Variants in SLC15A4 observed in about 807,000 individuals in gnomAD.
SLC15A4 encodes hPHT1.
SLC15A4 carries 26 observed loss-of-function variants against 46.1 expected under a neutral mutation model. That is an observed-to-expected ratio of 0.56 (90% confidence interval 0.41 to 0.78). The LOEUF is 0.78. Ranked by LOEUF, SLC15A4 falls within the 30% of genes least tolerant of loss-of-function variation. The pLI, the probability that SLC15A4 is intolerant of heterozygous loss-of-function variation, is 0.00. For missense variants in SLC15A4, 751 were observed against 755.7 expected, an observed-to-expected ratio of 0.99 and a Z score of 0.07; for synonymous variants, 370 against 333.4, an observed-to-expected ratio of 1.11 and a Z score of -1.20.
At position 128,799,332 on chromosome 12, in the gene SLC15A4, C is replaced by T. The variant is rs139295288; in HGVS notation, c.1500G>A (p.Ser500=). ...GTGCCAGCAGTCCAGAACCCACGAA[C>T]GACCCGACGCCAGAGAAGAAAAAGA... ...GLFFFFSGVG[S]FVGSGLLALV... Residue 500 remains serine (S), a synonymous_variant, in exon 7 of 8, where the codon TCG becomes TCA. Coordinates refer to ENST00000266771, the MANE Select transcript of SLC15A4 (RefSeq NM_145648.4). 177 of 1,614,008 alleles carry T rather than the reference C, an allele frequency of 1.1e-4. No individual in the cohort carries two copies. Among genetic ancestry groups the T allele is most frequent in the Middle Eastern group, 3.3e-4 (2 of 6,084 alleles).
chr12:128,797,172 G>A (rs1955455586), intron 7 of SLC15A4, among the ~76,000 whole-genome samples: 1 of 152,102 alleles, frequency 6.6e-6, no homozygotes, highest in Non-Finnish European at 1.5e-5. Flanking sequence ...GGCAGGGCAG[G>A]TATTCACAAC....
intron 5 of SLC15A4, among the ~76,000 whole-genome samples, chr12:128,804,659 G>A (rs898345304): frequency 6.6e-6 from 1 of 152,244 alleles, no homozygotes; most frequent in African/African-American, 2.4e-5. Flanking sequence ...GAACCAGGGA[G>A]GCGGACGTTG....
At chr12:128,811,805 T>A (rs1331326206) in intron 2 of SLC15A4, among the ~76,000 whole-genome samples, 1 of 152,260 alleles carries the variant, frequency 6.6e-6, no homozygotes, top group Non-Finnish European at 1.5e-5. Flanking sequence ...CTGGTTATAT[T>A]ACTTTCGCTT....
intron 1 of SLC15A4, among the ~76,000 whole-genome samples, chr12:128,818,120 T>C (rs1955784692): frequency 6.6e-6 from 1 of 151,810 alleles, no homozygotes; most frequent in Non-Finnish European, 1.5e-5. Context: ...ATCTGTAACA[T>C]AAGATTTTCG....
intron 1 of SLC15A4, among the ~76,000 whole-genome samples, chr12:128,820,642 G>A (rs1039524357): frequency 1.7e-5 from 2 of 118,198 alleles, no homozygotes; most frequent in Middle Eastern, 4.0e-3. Context: ...AATGGGCACC[G>A]TACGTGTCAT....
intron 2 of SLC15A4, among the ~76,000 whole-genome samples, chr12:128,810,719 G>T (rs1217350873): frequency 6.6e-6 from 1 of 152,154 alleles, no homozygotes; most frequent in African/African-American, 2.4e-5. Context: ...GGTGATGAGA[G>T]GAGGATGTCC....
chr12:128,809,850 T>C, intron 3 of SLC15A4, 93 bp downstream of exon 3: 1 of 1,294,068 alleles, frequency 7.7e-7, no homozygotes, highest in Non-Finnish European at 1.1e-6. Flanking sequence ...AAAAATCACC[T>C]AGTCCTACCT....
At chr12:128,811,170 G>A (rs1490196766) in intron 2 of SLC15A4, among the ~76,000 whole-genome samples, 2 of 152,212 alleles carry the variant, frequency 1.3e-5, no homozygotes, top group Non-Finnish European at 2.9e-5. Flanking sequence ...GGGGTAAAAT[G>A]GGAAAACAAA....
intron 2 of SLC15A4, among the ~76,000 whole-genome samples, chr12:128,812,036 G>C (rs557818698): frequency 2.6e-5 from 4 of 152,182 alleles, no homozygotes; most frequent in Admixed American, 6.5e-5. Flanking sequence ...TGTGAAGGCC[G>C]CATGTAGGTG....
intron 2 of SLC15A4, 188 bp from the exon 3 acceptor site, chr12:128,810,299 C>T (rs1955640305): frequency 5.3e-6 from 3 of 562,980 alleles, no homozygotes; most frequent in Admixed American, 3.4e-5. Flanking sequence ...ACAGAATGTA[C>T]TGAAACAGCT....
intron 2 of SLC15A4, 101 bp downstream of exon 2, chr12:128,814,674 G>T: frequency 7.9e-7 from 1 of 1,262,826 alleles, no homozygotes; most frequent in Non-Finnish European, 1.1e-6. Flanking sequence ...CTCAGCCCAG[G>T]CCCAGCACAC....
intron 1 of SLC15A4, among the ~76,000 whole-genome samples, chr12:128,822,871 T>TG (rs1423263655): frequency 6.6e-6 from 1 of 150,754 alleles, no homozygotes; most frequent in Non-Finnish European, 1.5e-5. Context: ...TTTTTTGAGG[T>TG]GGGGTCTCAC....
At chr12:128,814,234 C>T (rs111379578) in intron 2 of SLC15A4, 4,315 of 170,070 alleles carry the variant, frequency 0.025, 87 homozygotes, top group African/African-American at 0.043. Flanking sequence ...ACCTGACCGC[C>T]GTATGATGGA....
chr12:128,814,234 C>CATATGATGGACCTGACCGCT, intron 2 of SLC15A4: 1 of 170,512 alleles, frequency 5.9e-6, no homozygotes, highest in African/African-American at 2.9e-5. Flanking sequence ...ACCTGACCGC[C>CATATGATGGACCTGACCGCT]GTATGATGGA....
chr12:128,797,765 G>T (rs1955463668), intron 7 of SLC15A4, among the ~76,000 whole-genome samples: 1 of 152,222 alleles, frequency 6.6e-6, no homozygotes, highest in Non-Finnish European at 1.5e-5. Flanking sequence ...TCTCTGAGGA[G>T]CGGGCTTCCT....
At chr12:128,797,631 C>T (rs2135703860) in intron 7 of SLC15A4, among the ~76,000 whole-genome samples, 1 of 152,346 alleles carries the variant, frequency 6.6e-6, no homozygotes, top group East Asian at 1.9e-4. Context: ...TTACAGAAAG[C>T]TATTTCCTGT....
At chr12:128,823,203 C>A (rs1184341064) in intron 1 of SLC15A4, among the ~76,000 whole-genome samples, 195 bp downstream of exon 1, 8 of 152,126 alleles carry the variant, frequency 5.3e-5, no homozygotes, top group Non-Finnish European at 4.4e-5. Context: ...CCCAGGCAAA[C>A]CCCTTCCAGC....
chr12:128,801,913 T>A (rs1955522566), intron 5 of SLC15A4, among the ~76,000 whole-genome samples: 1 of 152,196 alleles, frequency 6.6e-6, no homozygotes, highest in Non-Finnish European at 1.5e-5. Flanking sequence ...TTCTAAAACC[T>A]GAGCATGAGA....
intron 6 of SLC15A4, among the ~76,000 whole-genome samples, chr12:128,800,099 T>C (rs2135706133): frequency 6.6e-6 from 1 of 152,272 alleles, no homozygotes; most frequent in Middle Eastern, 3.4e-3. Flanking sequence ...CGCCTCGGAT[T>C]CCTAAAGTGC....
Sources: gnomAD v4.1 joint callset for allele counts (sites outside exome capture counted in the v4.1 genomes callset) on GRCh38, gnomAD v4.1.1 for gene constraint, MANE v1.5 for transcripts, NCBI Gene and HGNC (gene_info 2026-07-23, HGNC 2026-07-21) for gene names.